Variants in PTPRD observed in about 807,000 individuals in gnomAD.
The protein encoded by PTPRD is protein tyrosine phosphatase receptor type D.
A neutral mutation model predicts 214.5 loss-of-function variants in PTPRD; 34 were observed. The ratio of observed to expected loss-of-function variants is 0.16; its 90% CI spans 0.12 to 0.21. The LOEUF (loss-of-function observed/expected upper bound fraction) is 0.21. Ranked by LOEUF, PTPRD falls within the 10% of genes least tolerant of loss-of-function variation. The probability of loss-of-function intolerance (pLI) is 1.00; values close to 1 mark genes in which losing one functional copy is unlikely to be tolerated. For synonymous variants in PTPRD, 1,128 were observed against 845.7 expected (o/e 1.33, Z -5.79); for missense variants, 2,545 against 2,398.7 (o/e 1.06, Z -1.27).
chr9:10,479,628 C>CATTA (rs1214956891), intron 2 of PTPRD, among the ~76,000 whole-genome samples: 1 of 101,716 alleles, frequency 9.8e-6, no homozygotes, highest in Non-Finnish European at 2.2e-5. Flanking sequence ...AAAAAGAAAA[C>CATTA]ATAAATAAAT....
chr9:10,414,232 C>T (rs1334338943), intron 2 of PTPRD, among the ~76,000 whole-genome samples: 1 of 151,672 alleles, frequency 6.6e-6, no homozygotes, highest in Admixed American at 6.6e-5. Context: ...CATCTAGCGT[C>T]TATAGGGAAC....
intron 2 of PTPRD, among the ~76,000 whole-genome samples, chr9:10,378,365 G>A (rs888727962): frequency 6.6e-6 from 1 of 151,902 alleles, no homozygotes; most frequent in Admixed American, 6.6e-5. Flanking sequence ...GGCTTGTAGG[G>A]TATTGCTCAA....
At chr9:8,337,928 C>G (rs1195493261) in intron 43 of PTPRD, among the ~76,000 whole-genome samples, 1 of 151,406 alleles carries the variant, frequency 6.6e-6, no homozygotes, top group East Asian at 2.0e-4. Context: ...AGAGATTTAA[C>G]TGCTGCCTTG....
In PTPRD at chr9:9,681,564, C is replaced by T. The variant is rs115997325; in HGVS notation, c.-287+52969G>A. On this transcript the variant is annotated intron_variant, in intron 7 of 45. Transcript: ENST00000381196. ...GACCCCACCTATCAGGCCCCATCCC[C>T]TCCCCATGTGACCTTTTCTCACTTT... 2.6e-3 allele frequency among the ~76,000 whole-genome samples: 389 copies of T among 151,840 alleles called. 2 individuals are homozygous for T. The highest frequency in any genetic ancestry group is 8.6e-3 in the African/African-American group (356 of 41,466).
intron 11 of PTPRD, among the ~76,000 whole-genome samples, chr9:8,892,660 T>G (rs2098551102): frequency 7.0e-6 from 1 of 142,112 alleles, no homozygotes; most frequent in African/African-American, 2.6e-5. Context: ...TATATATGAG[T>G]GTATATATAT....
chr9:9,484,526 T>G (rs2147262673), intron 8 of PTPRD, among the ~76,000 whole-genome samples: 1 of 152,292 alleles, frequency 6.6e-6, no homozygotes, highest in South Asian at 2.1e-4. Context: ...AGATTCATGT[T>G]TGTTGCTGAA....
intron 8 of PTPRD, among the ~76,000 whole-genome samples, chr9:9,562,912 C>T (rs1307034986): frequency 1.3e-5 from 2 of 152,090 alleles, no homozygotes; most frequent in Admixed American, 1.3e-4. Flanking sequence ...TCCATGTGGG[C>T]AGACATCTTT....
intron 2 of PTPRD, among the ~76,000 whole-genome samples, chr9:10,601,634 G>A (rs550586499): frequency 6.6e-6 from 1 of 151,488 alleles, no homozygotes; most frequent in East Asian, 1.9e-4. Flanking sequence ...TTCTTTCTTT[G>A]TAAAAATAAA....
intron 32 of PTPRD, among the ~76,000 whole-genome samples, chr9:8,461,125 A>G (rs955278544): frequency 6.6e-6 from 1 of 152,124 alleles, no homozygotes; most frequent in Non-Finnish European, 1.5e-5. Context: ...ATACTACTGC[A>G]TATTAGTTAG....
intron 9 of PTPRD, among the ~76,000 whole-genome samples, chr9:9,230,722 G>A (rs891935941): frequency 6.6e-5 from 10 of 152,042 alleles, no homozygotes; most frequent in Admixed American, 6.6e-5. Flanking sequence ...GGAGTGTTGC[G>A]CATATAGAGA....
Position 9,715,110 on chromosome 9 carries a change from G to C in PTPRD, c.-287+19423C>G, listed in dbSNP as rs865792433. ...GCTGGATCCTCGTCCAAATAACTTTGTGACTTTGGGCAAATTACTTTATGT... is the reference window on the plus strand; with the variant it reads ...GCTGGATCCTCGTCCAAATAACTTTCTGACTTTGGGCAAATTACTTTATGT... On this transcript the variant is annotated intron_variant, in intron 7 of 45. Coordinates refer to ENST00000381196, the MANE Select transcript of PTPRD (RefSeq NM_002839.4). Among the ~76,000 whole-genome samples the C allele has an allele frequency of 1.3e-4, 20 of 152,258 alleles. No individual in the cohort carries two copies. The Middle Eastern group carries it at 0.01, about 78-fold the overall frequency.
At chr9:9,381,348 C>A (rs1201476173) in intron 9 of PTPRD, among the ~76,000 whole-genome samples, 1 of 149,336 alleles carries the variant, frequency 6.7e-6, no homozygotes, top group Admixed American at 6.7e-5. Context: ...TTTCTTAGTA[C>A]ATCAGTTATG....
Position 9,726,246 on chromosome 9 carries a change from G to T in PTPRD, c.-287+8287C>A, listed in dbSNP as rs574137259. ...AAAAAAACTTCACTATCGGATATCC[G>T]CATAACACTGACATTGGCATGCACA... On this transcript the variant is annotated intron_variant, in intron 7 of 45. Transcript: ENST00000381196. Among the ~76,000 whole-genome samples the T allele has an allele frequency of 3.3e-5, 5 of 152,126 alleles. No individual in the cohort carries two copies. The East Asian group carries it at 9.7e-4, about 29-fold the overall frequency.
chr9:8,694,330 G>C (rs10125358), intron 12 of PTPRD, among the ~76,000 whole-genome samples: 2 of 151,728 alleles, frequency 1.3e-5, no homozygotes, highest in Admixed American at 1.3e-4. Flanking sequence ...AAAGGAAGCA[G>C]AATCCATAGA....
rs796254990 is a variant in PTPRD at position 8,367,389 on chromosome 9, G to T, written c.4661+8547C>A. ...GCTATGCCTAGGACATGTTTTTATT[G>T]TAACAATGTGGGGGAAGGGAGGTGA... On this transcript the variant is annotated intron_variant, in intron 39 of 45. Transcript: ENST00000381196. Among the ~76,000 whole-genome samples, 41 of 152,144 alleles carry T rather than the reference G, an allele frequency of 2.7e-4. 1 individual carries two copies. The highest frequency in any genetic ancestry group is 9.1e-4 in the African/African-American group (38 of 41,532).
At chr9:9,816,106 T>C (rs192304971) in intron 5 of PTPRD, among the ~76,000 whole-genome samples, 16 of 152,298 alleles carry the variant, frequency 1.1e-4, no homozygotes, top group African/African-American at 3.8e-4. Context: ...TATCACCATA[T>C]ACTACACCTT....
chr9:9,562,967 T>C (rs935179550), intron 8 of PTPRD, among the ~76,000 whole-genome samples: 3 of 152,202 alleles, frequency 2.0e-5, no homozygotes, highest in African/African-American at 7.2e-5. Context: ...GACAATGGTC[T>C]AGAACACAGT....
chr9:9,376,639 A>T (rs926139118), intron 9 of PTPRD, among the ~76,000 whole-genome samples: 1 of 152,144 alleles, frequency 6.6e-6, no homozygotes, highest in African/African-American at 2.4e-5. Flanking sequence ...GAAACAGTCT[A>T]TGTCTTGAAA....
At chr9:9,329,975 C>A (rs116247178) in intron 9 of PTPRD, among the ~76,000 whole-genome samples, 2,606 of 152,208 alleles carry the variant, frequency 0.017, 76 homozygotes, top group African/African-American at 0.06. Flanking sequence ...GTGGCTTTTC[C>A]TTGATTTCCC....
Sources: allele counts gnomAD v4.1 joint callset (sites outside exome capture counted in the v4.1 genomes callset), GRCh38; gene constraint gnomAD v4.1.1; transcripts MANE v1.5; gene names NCBI Gene and HGNC (gene_info 2026-07-23, HGNC 2026-07-21).